ADGRB3: variants seen among roughly 807,000 people sequenced by gnomAD.
ADGRB3 encodes adhesion G protein-coupled receptor B3.
ADGRB3 carries 37 observed loss-of-function variants against 193.4 expected under a neutral mutation model. That is an observed-to-expected ratio of 0.19 (90% CI 0.15 to 0.25). The LOEUF is 0.25. Among genes scored for constraint, ADGRB3 ranks in the 10% least tolerant of loss-of-function variants. The pLI is 1.00. For missense variants in ADGRB3, 1,637 were observed against 1,852.9 expected, an observed-to-expected ratio of 0.88 and a Z score of 2.14; for synonymous variants, 690 against 644.2, an observed-to-expected ratio of 1.07 and a Z score of -1.08.
At chr6:69,048,129 G>T in intron 13 of ADGRB3, 56 bp from the exon 14 acceptor site, 1 of 1,538,796 alleles carries the variant, frequency 6.5e-7, no homozygotes, top group Non-Finnish European at 8.9e-7. Flanking sequence ...GATCAACACT[G>T]ATTACACTAA....
At chr6:69,019,167 G>T (rs947327939) in intron 13 of ADGRB3, among the ~76,000 whole-genome samples, 3 of 151,912 alleles carry the variant, frequency 2.0e-5, no homozygotes, top group Non-Finnish European at 1.5e-5. Flanking sequence ...CCTTCTTAGT[G>T]ATACACATTG....
chr6:69,319,751 T>A lies in ADGRB3; in HGVS notation c.2815-5121T>A, dbSNP rs926692671. Among the ~76,000 whole-genome samples the A allele has an allele frequency of 5.3e-5, 8 of 151,612 alleles. No individual in the cohort carries two copies. In the East Asian group the frequency reaches 9.7e-4, roughly 18 times the overall value. ...ATTGTGACATCTGGTTTTTACATGT[T>A]AGTATTTGCATAAGCTAGCTCTTTT... On this transcript the variant is annotated intron_variant, in intron 20 of 31. Coordinates refer to ENST00000370598, the MANE Select transcript of ADGRB3 (RefSeq NM_001704.3).
intron 16 of ADGRB3, among the ~76,000 whole-genome samples, chr6:69,065,172 T>C (rs942445958): frequency 6.6e-6 from 1 of 152,160 alleles, no homozygotes; most frequent in Non-Finnish European, 1.5e-5. Flanking sequence ...ATCTCCACTC[T>C]AGAAAGCCCA....
At chr6:69,223,066 T>C (rs1375405044) in intron 17 of ADGRB3, among the ~76,000 whole-genome samples, 1 of 152,104 alleles carries the variant, frequency 6.6e-6, no homozygotes, top group African/African-American at 2.4e-5. Flanking sequence ...CTACTAATAT[T>C]TGAGTTCCCA....
intron 3 of ADGRB3, among the ~76,000 whole-genome samples, chr6:68,684,163 C>T (rs1460533982): frequency 6.6e-6 from 1 of 152,144 alleles, no homozygotes; most frequent in African/African-American, 2.4e-5. Flanking sequence ...GTCATAGTGT[C>T]CTAGAATTTG....
intron 16 of ADGRB3, among the ~76,000 whole-genome samples, chr6:69,073,969 G>T (rs1772153161): frequency 6.6e-6 from 1 of 152,148 alleles, no homozygotes; most frequent in Non-Finnish European, 1.5e-5. Context: ...AATTGCTAAT[G>T]ACATGACAAT....
chr6:69,264,818 C>G (rs1003808367), intron 20 of ADGRB3, among the ~76,000 whole-genome samples: 1 of 151,798 alleles, frequency 6.6e-6, no homozygotes, highest in Non-Finnish European at 1.5e-5. Context: ...GTCTGTAAAC[C>G]AGCTATTCTA....
intron 3 of ADGRB3, among the ~76,000 whole-genome samples, chr6:68,780,011 A>G (rs886838953): frequency 2.6e-5 from 4 of 152,090 alleles, no homozygotes; most frequent in African/African-American, 4.8e-5. Context: ...AGAGAAAAGT[A>G]TACATATATT....
At chr6:68,715,072 A>G (rs191069589) in intron 3 of ADGRB3, among the ~76,000 whole-genome samples, 176 of 152,018 alleles carry the variant, frequency 1.2e-3, no homozygotes, top group Non-Finnish European at 2.1e-3. Context: ...ATGACAAAAC[A>G]CAAAAGACTT....
intron 3 of ADGRB3, among the ~76,000 whole-genome samples, chr6:68,868,624 T>A (rs1765371456): frequency 6.6e-6 from 1 of 152,214 alleles, no homozygotes; most frequent in Admixed American, 6.5e-5. Flanking sequence ...GCTCCCAAAA[T>A]ACCTATTTTG....
intron 20 of ADGRB3, among the ~76,000 whole-genome samples, chr6:69,248,509 G>A (rs560518867): frequency 5.3e-5 from 8 of 152,308 alleles, no homozygotes; most frequent in African/African-American, 1.9e-4. Context: ...GTCTCAGTAC[G>A]ACATTGGAAT....
At chr6:69,076,186 C>T (rs997500821) in intron 17 of ADGRB3, 148 bp downstream of exon 17, 2 of 669,552 alleles carry the variant, frequency 3.0e-6, no homozygotes, top group Non-Finnish European at 5.2e-6. Context: ...ATCTTCAGGA[C>T]AGCATGATGA....
Position 68,748,810 on chromosome 6 carries a change from C to G in ADGRB3, c.757+109378C>G, listed in dbSNP as rs187041869. 1.2e-4 allele frequency among the ~76,000 whole-genome samples: 19 copies of G among 152,280 alleles called. No homozygotes were observed. In the East Asian group the frequency reaches 3.7e-3, roughly 29 times the overall value. On this transcript the variant is annotated intron_variant, in intron 3 of 31. Coordinates refer to ENST00000370598, the MANE Select transcript of ADGRB3 (RefSeq NM_001704.3). ...CCTAGCAGAGGTTCTCCATGAGGACCCCGCCCCTGCAACAAACTTTTCCCT... is the reference window on the plus strand; with the variant it reads ...CCTAGCAGAGGTTCTCCATGAGGACGCCGCCCCTGCAACAAACTTTTCCCT...
At chr6:69,217,811 C>T (rs78285156) in intron 17 of ADGRB3, among the ~76,000 whole-genome samples, 314 of 152,222 alleles carry the variant, frequency 2.1e-3, no homozygotes, top group African/African-American at 6.9e-3. Flanking sequence ...TCCTCCCTGA[C>T]GTAGATCTGA....
chr6:69,095,165 A>T (rs1772837030), intron 17 of ADGRB3, among the ~76,000 whole-genome samples: 1 of 152,216 alleles, frequency 6.6e-6, no homozygotes, highest in South Asian at 2.1e-4. Flanking sequence ...TGTGTCTCCC[A>T]CAATGTCTGC....
At chr6:69,055,023 T>C (rs1771503187) in intron 15 of ADGRB3, among the ~76,000 whole-genome samples, 1 of 152,184 alleles carries the variant, frequency 6.6e-6, no homozygotes, top group Non-Finnish European at 1.5e-5. Context: ...TATAGTAACT[T>C]TACTAACTTC....
chr6:69,384,788 G>GA (rs1190600257), intron 31 of ADGRB3, among the ~76,000 whole-genome samples: 3 of 151,626 alleles, frequency 2.0e-5, no homozygotes, highest in Non-Finnish European at 2.9e-5. Flanking sequence ...AGAAGAGAGA[G>GA]AAAAAAATGC....
At chr6:68,867,430 C>G (rs769603944) in intron 3 of ADGRB3, among the ~76,000 whole-genome samples, 1 of 152,126 alleles carries the variant, frequency 6.6e-6, no homozygotes, top group African/African-American at 2.4e-5. Context: ...CCTGGATATC[C>G]AGGCAGATGT....
At chr6:68,783,366 G>A (rs956743564) in intron 3 of ADGRB3, among the ~76,000 whole-genome samples, 3 of 147,066 alleles carry the variant, frequency 2.0e-5, no homozygotes, top group Admixed American at 1.4e-4. Context: ...AAACTTACAT[G>A]TATATATGTA....
Sources: allele counts gnomAD v4.1 joint callset (sites outside exome capture counted in the v4.1 genomes callset), GRCh38; gene constraint gnomAD v4.1.1; transcripts MANE v1.5; gene names NCBI Gene and HGNC (gene_info 2026-07-23, HGNC 2026-07-21).